RAP1GDS1: variants seen among roughly 807,000 people sequenced by gnomAD.
RAP1GDS1 encodes the protein RAP1, GTP-GDP dissociation stimulator 1.
RAP1GDS1 carries 35 observed loss-of-function variants against 71.1 expected under a neutral mutation model. The ratio of observed to expected loss-of-function variants is 0.49; its 90% CI spans 0.38 to 0.65. RAP1GDS1 has a LOEUF of 0.65. Ranked by LOEUF, RAP1GDS1 falls within the 30% of genes least tolerant of loss-of-function variation. The pLI is 0.00. For synonymous variants in RAP1GDS1, 229 were observed against 243.1 expected (o/e 0.94, Z 0.54); for missense variants, 663 against 706.1 (o/e 0.94, Z 0.69).
chr4:98,289,408 C>CA (rs1726557610), intron 1 of RAP1GDS1, among the ~76,000 whole-genome samples: 1 of 151,810 alleles, frequency 6.6e-6, no homozygotes. Context: ...ATTTAATTCT[C>CA]ACAATTGTGA....
chr4:98,296,076 C>A (rs76198412), intron 2 of RAP1GDS1, among the ~76,000 whole-genome samples: 4 of 151,850 alleles, frequency 2.6e-5, no homozygotes, highest in African/African-American at 9.7e-5. Flanking sequence ...GAGAGCTTCT[C>A]GTTTCATAAT....
At chr4:98,358,617 C>T (rs1251299981) in intron 4 of RAP1GDS1, among the ~76,000 whole-genome samples, 1 of 151,892 alleles carries the variant, frequency 6.6e-6, no homozygotes, top group Admixed American at 6.6e-5. Context: ...GATTTTTGAG[C>T]CCATTATCAG....
intron 5 of RAP1GDS1, among the ~76,000 whole-genome samples, chr4:98,387,111 TATC>T (rs879543870): frequency 1.2e-4 from 18 of 152,180 alleles, no homozygotes; most frequent in Non-Finnish European, 2.5e-4. Context: ...TAAATGGCAA[TATC>T]ATATCATTAT....
intron 2 of RAP1GDS1, among the ~76,000 whole-genome samples, chr4:98,294,940 A>G (rs975078441): frequency 2.0e-5 from 3 of 152,052 alleles, no homozygotes; most frequent in Non-Finnish European, 4.4e-5. Flanking sequence ...GTCTGTTTTC[A>G]GCAACACTTT....
Position 98,416,812 on chromosome 4 carries a change from A to G in RAP1GDS1, c.831A>G (p.Lys277=), listed in dbSNP as rs1338218457. 6.2e-7 allele frequency: 1 copy of G among 1,613,528 alleles called. No homozygotes were observed. The highest frequency in any genetic ancestry group is 2.2e-5 in the East Asian group (1 of 44,866). ...GTCTACTAGAGATTGTTCAGCAAAAAGTGGATAGTGACAAAGAAGATGATA... is the reference window on the plus strand; with the variant it reads ...GTCTACTAGAGATTGTTCAGCAAAAGGTGGATAGTGACAAAGAAGATGATA... The part of the protein sequence containing the change: ...VECLLEIVQQ[K]VDSDKEDDIT... The change falls in exon 8 of 15, where the codon AAA becomes AAG. Residue 277 remains lysine (K), a synonymous_variant. Transcript: ENST00000408927.
At chr4:98,296,646 G>A (rs1194139878) in intron 2 of RAP1GDS1, among the ~76,000 whole-genome samples, 3 of 151,928 alleles carry the variant, frequency 2.0e-5, no homozygotes, top group Non-Finnish European at 4.4e-5. Context: ...TGTTTATTTT[G>A]GTCTCTTTTG....
chr4:98,337,120 C>T (rs777119149), intron 2 of RAP1GDS1, among the ~76,000 whole-genome samples: 1 of 152,144 alleles, frequency 6.6e-6, no homozygotes, highest in African/African-American at 2.4e-5. Flanking sequence ...GCCTCCAACT[C>T]CTGGCCTCAA....
At chr4:98,420,334 TATTA>T (rs1219597734) in intron 11 of RAP1GDS1, among the ~76,000 whole-genome samples, 190 bp downstream of exon 11, 1 of 149,820 alleles carries the variant, frequency 6.7e-6, no homozygotes, top group Non-Finnish European at 1.5e-5. Flanking sequence ...TATTTATACA[TATTA>T]TTTATTTATT....
At chr4:98,352,713 C>T (rs1000769750) in intron 4 of RAP1GDS1, 112 bp downstream of exon 4, 18 of 1,162,612 alleles carry the variant, frequency 1.5e-5, no homozygotes, top group East Asian at 7.8e-5. Flanking sequence ...TAACATGGGC[C>T]GGCATGATTC....
intron 1 of RAP1GDS1, among the ~76,000 whole-genome samples, chr4:98,268,184 G>T (rs1722962840): frequency 6.6e-6 from 1 of 152,126 alleles, no homozygotes; most frequent in Non-Finnish European, 1.5e-5. Context: ...CAATAAATGT[G>T]ATACACCACG....
intron 1 of RAP1GDS1, among the ~76,000 whole-genome samples, chr4:98,289,270 A>T (rs1255348171): frequency 6.6e-6 from 1 of 152,182 alleles, no homozygotes; most frequent in Non-Finnish European, 1.5e-5. Context: ...GGGAGCCTAG[A>T]AAAGGAAGGT....
chr4:98,427,171 CTTTA>C (rs887441799), intron 12 of RAP1GDS1, among the ~76,000 whole-genome samples: 5 of 152,106 alleles, frequency 3.3e-5, no homozygotes, highest in Admixed American at 3.3e-4. Flanking sequence ...TCCAGCATCT[CTTTA>C]TAATTAAAAC....
intron 4 of RAP1GDS1, among the ~76,000 whole-genome samples, chr4:98,355,733 A>G (rs1737861696): frequency 6.6e-6 from 1 of 152,210 alleles, no homozygotes; most frequent in Non-Finnish European, 1.5e-5. Context: ...AAACTAGGTC[A>G]GATTTCAGTT....
chr4:98,393,544 G>A (rs992961777), intron 6 of RAP1GDS1, among the ~76,000 whole-genome samples: 8 of 152,272 alleles, frequency 5.3e-5, no homozygotes, highest in South Asian at 2.1e-4. Context: ...GTTATAATCC[G>A]ATACTGAAAG....
At chr4:98,411,192 T>C (rs1747016740) in intron 7 of RAP1GDS1, among the ~76,000 whole-genome samples, 1 of 152,262 alleles carries the variant, frequency 6.6e-6, no homozygotes, top group African/African-American at 2.4e-5. Flanking sequence ...TTGGTAAATG[T>C]GCTGGGCTGT....
chr4:98,378,189 C>T (rs1002501435), intron 4 of RAP1GDS1, among the ~76,000 whole-genome samples: 4 of 151,734 alleles, frequency 2.6e-5, no homozygotes, highest in Non-Finnish European at 4.4e-5. Context: ...TAGAATGACA[C>T]GTATTCTTCT....
At chr4:98,430,955 G>A (rs1578864358) in intron 12 of RAP1GDS1, among the ~76,000 whole-genome samples, 1 of 152,152 alleles carries the variant, frequency 6.6e-6, no homozygotes, top group South Asian at 2.1e-4. Flanking sequence ...GATGCTCTTA[G>A]GTAAAGTCAC....
In RAP1GDS1 at chr4:98,343,248, A is replaced by G; in HGVS notation, c.222A>G (p.Glu74=). 1 of 1,604,774 alleles carries G rather than the reference A, an allele frequency of 6.2e-7. No homozygotes were observed. Among genetic ancestry groups the G allele is most frequent in the Non-Finnish European group, 8.5e-7 (1 of 1,171,532 alleles). Residue 74 remains glutamate (E), a synonymous_variant, in exon 3 of 15, where the codon GAA becomes GAG. Coordinates refer to ENST00000408927, the MANE Select transcript of RAP1GDS1 (RefSeq NM_001100427.2). ...CKAKVANIIA[E]VAKNEFMRIP... ...CCAAAGTAGCTAACATCATAGCAGA[A>G]GTAGCCAAAAATGGTGAGGTTTACC...
chr4:98,366,512 C>T (rs1739518250), intron 4 of RAP1GDS1, among the ~76,000 whole-genome samples: 1 of 152,042 alleles, frequency 6.6e-6, no homozygotes, highest in Non-Finnish European at 1.5e-5. Context: ...GTGGAAGCGA[C>T]TTTGGAACTG....
Sources: gnomAD v4.1 joint callset for allele counts (sites outside exome capture counted in the v4.1 genomes callset) on GRCh38, gnomAD v4.1.1 for gene constraint, MANE v1.5 for transcripts, NCBI Gene and HGNC (gene_info 2026-07-23, HGNC 2026-07-21) for gene names.